The following CCNI variants were observed in gnomAD, a reference collection of about 807,000 sequenced individuals.
CCNI encodes the protein cyclin I.
In CCNI, 14 loss-of-function variants were observed where a neutral mutation model predicts 34.1. The observed-to-expected ratio is 0.41, with a 90% CI of 0.27 to 0.64. The LOEUF (loss-of-function observed/expected upper bound fraction) is 0.64, where lower values mean the gene tolerates loss of function less well. CCNI is among the 30% of genes least tolerant of loss of function. CCNI has a pLI of 0.31. For synonymous variants in CCNI, 154 were observed against 158.4 expected (o/e 0.97, Z 0.21); for missense variants, 385 against 440.5 (o/e 0.87, Z 1.13).
At chr4:77,066,057 T>C (rs1729013163) in intron 2 of CCNI, 192 bp downstream of exon 2, 3 of 522,292 alleles carry the variant, frequency 5.7e-6, no homozygotes, top group Non-Finnish European at 1.0e-5. Flanking sequence ...GCTGAGATCA[T>C]GCCACAGCAC....
intron 1 of CCNI, among the ~76,000 whole-genome samples, chr4:77,069,392 A>G (rs1485761808): frequency 1.3e-5 from 2 of 152,084 alleles, no homozygotes; most frequent in Non-Finnish European, 2.9e-5. Context: ...CTCCAAATAA[A>G]GAAATCCCTA....
chr4:77,052,289 T>C (rs868342868), intron 6 of CCNI, among the ~76,000 whole-genome samples: 4 of 152,134 alleles, frequency 2.6e-5, no homozygotes, highest in Non-Finnish European at 5.9e-5. Flanking sequence ...GCAAAGGACA[T>C]GATTTTGTTC....
Position 77,071,051 on chromosome 4 carries a change from C to T in CCNI, c.-44+4421G>A, listed in dbSNP as rs192100646. ...AGCCTTCACAAGCTATCCCAACAAC[C>T]GACTGTCACTAGTGACTCAAGTTCC... is the stretch of plus-strand genomic sequence containing the variant. On this transcript the variant is annotated intron_variant, in intron 1 of 6. Coordinates refer to ENST00000237654, the MANE Select transcript of CCNI (RefSeq NM_006835.3). 4.2e-4 allele frequency among the ~76,000 whole-genome samples: 64 copies of T among 152,266 alleles called. 1 individual carries two copies. Among genetic ancestry groups the T allele is most frequent in the Admixed American group, 9.2e-4 (14 of 15,286 alleles).
chr4:77,075,647 G>A lies in CCNI; in HGVS notation c.-219C>T, dbSNP rs1235020839. ...AGAAAGGGGAAGCGGATCGGGGGGC[G>A]CGGGCGCGGGCGCTGGCGCTCGAGC... On this transcript the variant is annotated 5_prime_UTR_variant, in exon 1 of 7. Coordinates refer to ENST00000237654, the MANE Select transcript of CCNI (RefSeq NM_006835.3). 5 of 713,846 alleles carry A rather than the reference G, an allele frequency of 7.0e-6. No homozygotes were observed. The highest frequency in any genetic ancestry group is 3.0e-5 in the African/African-American group (1 of 33,898). The allele number at this position is 713,846 out of a possible 1,614,324, so 44.2% of individuals were successfully genotyped here.
rs1295333024 is a variant in CCNI at position 77,048,273 on chromosome 4, T to C, written c.1080A>G (p.Arg360=). The change falls in exon 7 of 7, where the codon AGA becomes AGG. Residue 360 remains arginine, a synonymous_variant. Coordinates refer to ENST00000237654, the MANE Select transcript of CCNI (RefSeq NM_006835.3). ...VGSVCGTDLS[R]QEGHASPCPP... Reference sequence around the variant, plus strand: ...GACAAGGGGAAGCATGTCCCTCTTGTCTTGATAAATCAGTGCCACACACAG... The same window carrying C: ...GACAAGGGGAAGCATGTCCCTCTTGCCTTGATAAATCAGTGCCACACACAG... The C allele has an allele frequency of 6.2e-7, 1 of 1,614,164 alleles. No homozygotes were observed. The highest frequency in any genetic ancestry group is 8.5e-7 in the Non-Finnish European group (1 of 1,180,018).
chr4:77,060,163 AAAC>A (rs1226569023), intron 2 of CCNI, among the ~76,000 whole-genome samples: 1 of 152,216 alleles, frequency 6.6e-6, no homozygotes, highest in Non-Finnish European at 1.5e-5. Context: ...GTTTGGCATT[AAAC>A]AATAACAGAA....
chr4:77,053,705 TAAA>T (rs1009226277), intron 6 of CCNI, among the ~76,000 whole-genome samples: 8 of 152,192 alleles, frequency 5.3e-5, no homozygotes, highest in African/African-American at 1.9e-4. Context: ...TTTGTTCCAA[TAAA>T]AATAATGTAA....
chr4:77,066,083 AGAGT>A, intron 2 of CCNI, 162 bp downstream of exon 2: 1 of 590,900 alleles, frequency 1.7e-6, no homozygotes, highest in Non-Finnish European at 2.9e-6. Flanking sequence ...ACTGGATGAC[AGAGT>A]GAGACCCTGT....
At chr4:77,058,037 T>G (rs763797766) in intron 3 of CCNI, among the ~76,000 whole-genome samples, 4 of 152,158 alleles carry the variant, frequency 2.6e-5, no homozygotes, top group Non-Finnish European at 5.9e-5. Flanking sequence ...TAGAAACACT[T>G]CCAAAAACAC....
rs780067338 is a variant in CCNI at position 77,048,493 on chromosome 4, G to A, written c.860C>T (p.Pro287Leu). The stretch of plus-strand genomic sequence containing the variant: ...CTTGCTGTTGTCCTTGGAGAAGTCT[G>A]GGCCTGGGACAGAGGAGGGATGTAA... ...FRLHPSSVPGPDFSKDNSKPE... is the reference protein window; with the variant it reads ...FRLHPSSVPGLDFSKDNSKPE... The change falls in exon 7 of 7, where the codon CCA (proline) becomes CTA (leucine). Residue 287 changes from proline to leucine, a missense_variant. Transcript: ENST00000237654. 1.4e-5 allele frequency: 22 copies of A among 1,613,980 alleles called. No individual in the cohort carries two copies. The South Asian group carries it at 2.3e-4, about 17-fold the overall frequency.
chr4:77,071,760 T>A (rs1278050014), intron 1 of CCNI, among the ~76,000 whole-genome samples: 1 of 152,154 alleles, frequency 6.6e-6, no homozygotes, highest in African/African-American at 2.4e-5. Context: ...AATGGTCCAG[T>A]TCCCAGAAAT....
At chr4:77,051,065 A>G (rs1727792746) in intron 6 of CCNI, among the ~76,000 whole-genome samples, 1 of 152,196 alleles carries the variant, frequency 6.6e-6, no homozygotes, top group South Asian at 2.1e-4. Flanking sequence ...TCCCTAGATT[A>G]CTTATAATAC....
chr4:77,067,790 T>TA (rs375815113), intron 1 of CCNI, among the ~76,000 whole-genome samples: 5,211 of 98,318 alleles, frequency 0.053, 297 homozygotes, highest in Non-Finnish European at 0.077. Context: ...CTTCTAGGTT[T>TA]AAAAAAAAAA....
At chr4:77,056,177 C>A in intron 4 of CCNI, 72 bp downstream of exon 4, 2 of 1,595,978 alleles carry the variant, frequency 1.3e-6, no homozygotes, top group Non-Finnish European at 1.7e-6. Context: ...TTTGTTTTAG[C>A]AAACGAAGCA....
At chr4:77,055,494 A>G in intron 5 of CCNI, 114 bp from the exon 6 acceptor site, 1 of 710,156 alleles carries the variant, frequency 1.4e-6, no homozygotes, top group African/African-American at 1.9e-5. Flanking sequence ...ACAGAGTCTC[A>G]CTCTGTTGCC....
At chr4:77,064,297 C>T (rs1728855306) in intron 2 of CCNI, among the ~76,000 whole-genome samples, 1 of 151,490 alleles carries the variant, frequency 6.6e-6, no homozygotes, top group Admixed American at 6.6e-5. Flanking sequence ...CAATATACTA[C>T]AATCTAGGTA....
rs1312760077 is a variant in CCNI, at chr4:77,048,461, C to G, written c.892G>C (p.Val298Leu). The change falls in exon 7 of 7, where the codon GTG (valine) becomes CTG (leucine). Residue 298 changes from valine (V) to leucine (L), a missense_variant. Physicochemically the swap from Val to Leu is conservative, Grantham distance 32. Around this residue, in one of 2 missense-constraint regions of CCNI, gnomAD observed 250 missense variants for 248.7 expected, o/e 1.01. Coordinates refer to ENST00000237654, the MANE Select transcript of CCNI (RefSeq NM_006835.3). ...AAGGCTGCTGTACCTCTGACTGGCACTTCTGGCTTGCTGTTGTCCTTGGAG... is the reference window on the plus strand; with the variant it reads ...AAGGCTGCTGTACCTCTGACTGGCAGTTCTGGCTTGCTGTTGTCCTTGGAG... Reference protein sequence around the residue: ...DFSKDNSKPEVPVRGTAAFYH... With the variant: ...DFSKDNSKPELPVRGTAAFYH... The G allele has an allele frequency of 1.2e-6, 2 of 1,614,176 alleles. No homozygotes were observed. Among genetic ancestry groups the G allele is most frequent in the Admixed American group, 3.3e-5 (2 of 60,012 alleles).
chr4:77,050,530 GA>G (rs1206910792), intron 6 of CCNI, among the ~76,000 whole-genome samples: 1 of 152,116 alleles, frequency 6.6e-6, no homozygotes, highest in Non-Finnish European at 1.5e-5. Flanking sequence ...GAAACTGTCA[GA>G]AATATACAAG....
intron 3 of CCNI, 95 bp from the exon 4 acceptor site, chr4:77,056,418 G>A: frequency 2.4e-6 from 2 of 818,540 alleles, no homozygotes; most frequent in Non-Finnish European, 4.2e-6. Flanking sequence ...ATGCAGATGA[G>A]ACAGGTATAC....
Sources: allele counts gnomAD v4.1 joint callset (sites outside exome capture counted in the v4.1 genomes callset), GRCh38; gene constraint gnomAD v4.1.1; regional missense constraint gnomAD v4.1.1; transcripts MANE v1.5; gene names NCBI Gene and HGNC (gene_info 2026-07-23, HGNC 2026-07-21).